The following CCDC158 variants were observed in gnomAD, a reference collection of about 807,000 sequenced individuals.
The protein encoded by CCDC158 is coiled-coil domain-containing protein 158.
A neutral mutation model predicts 138.6 loss-of-function variants in CCDC158; 116 were observed. The ratio of observed to expected loss-of-function variants is 0.84; its 90% confidence interval spans 0.72 to 0.98. The LOEUF (loss-of-function observed/expected upper bound fraction) is 0.98, where lower values mean the gene tolerates loss of function less well. CCDC158 is among the 50% of genes least tolerant of loss of function. The probability of loss-of-function intolerance (pLI) is 0.00; values close to 1 mark genes in which losing one functional copy is unlikely to be tolerated. For synonymous variants in CCDC158, 436 were observed against 442.4 expected, an observed-to-expected ratio of 0.99 and a Z score of 0.18; for missense variants, 1,265 against 1,306.1, an observed-to-expected ratio of 0.97 and a Z score of 0.48.
intron 4 of CCDC158, among the ~76,000 whole-genome samples, chr4:76,388,163 C>T (rs9654173): frequency 0.027 from 4,055 of 152,164 alleles, 177 homozygotes; most frequent in African/African-American, 0.092. Flanking sequence ...ATGGTGGCTA[C>T]AGTGAAAGAC....
chr4:76,369,531 A>T lies in CCDC158; in HGVS notation c.1242T>A (p.Ile414=). 6.2e-7 allele frequency: 1 copy of T among 1,614,122 alleles called. No individual in the cohort carries two copies. The highest frequency in any genetic ancestry group is 8.5e-7 in the Non-Finnish European group (1 of 1,180,010). The change falls in exon 11 of 25, where the codon ATT becomes ATA. Residue 414 remains isoleucine, a synonymous_variant. Transcript: ENST00000682701. ...WDRDTGNSIT[I]DHLRRELDNR... ...TGTCCAGTTCCCGCCGCAGGTGGTC[A>T]ATGGTGATGCTGTTGCCTGTGTCTC...
In CCDC158 at chr4:76,377,688, C is replaced by T. The variant is rs139047007; in HGVS notation, c.1029+1602G>A. 5.5e-4 allele frequency among the ~76,000 whole-genome samples: 84 copies of T among 152,292 alleles called. 1 individual carries two copies. The highest frequency in any genetic ancestry group is 1.9e-3 in the African/African-American group (79 of 41,568). On this transcript the variant is annotated intron_variant, in intron 9 of 24. Transcript: ENST00000682701. ...CAGGCTTCAGAGAGGCAGAGAAAAG[C>T]GTGTGTTCCTCTCTGACCTTTTGTT...
At chr4:76,324,234 C>A (rs1578863681) in intron 23 of CCDC158, among the ~76,000 whole-genome samples, 1 of 149,036 alleles carries the variant, frequency 6.7e-6, no homozygotes, top group South Asian at 2.1e-4. Context: ...GTTGCCCAGG[C>A]TGGAGTGCAA....
At chr4:76,398,188 C>G (rs987951833) in intron 3 of CCDC158, among the ~76,000 whole-genome samples, 1 of 152,100 alleles carries the variant, frequency 6.6e-6, no homozygotes, top group African/African-American at 2.4e-5. Context: ...ATCAATGTAA[C>G]AATTGATTTA....
intron 18 of CCDC158, among the ~76,000 whole-genome samples, chr4:76,335,831 C>T (rs1418051483): frequency 6.6e-6 from 1 of 152,058 alleles, no homozygotes; most frequent in Non-Finnish European, 1.5e-5. Flanking sequence ...TCTTGGTTTC[C>T]CAAAGTGCTG....
In CCDC158 at chr4:76,396,490, A is replaced by C; in HGVS notation, c.71-4T>G. On this transcript the variant is annotated splice_region_variant and splice_polypyrimidine_tract_variant and intron_variant, in intron 3 of 24. Transcript: ENST00000682701. The stretch of plus-strand genomic sequence containing the variant: ...ACAAAAAATGAACTTGAAGAACCTA[A>C]ATATTAAAGAATTCATTAATTAACT... 3 of 1,584,954 alleles carry C rather than the reference A, an allele frequency of 1.9e-6. No individual in the cohort carries two copies. Among genetic ancestry groups the C allele is most frequent in the South Asian group, 1.2e-5 (1 of 86,924 alleles).
At chr4:76,323,190 C>CTGAAGGGTTTATATTTAACT in intron 24 of CCDC158, 112 bp downstream of exon 24, 1 of 697,226 alleles carries the variant, frequency 1.4e-6, no homozygotes, top group South Asian at 2.3e-5. Flanking sequence ...CTTCAGTTTA[C>CTGAAGGGTTTATATTTAACT]AGTTGTTAAT....
intron 9 of CCDC158, among the ~76,000 whole-genome samples, chr4:76,378,094 T>G (rs1579021785): frequency 6.6e-6 from 1 of 152,198 alleles, no homozygotes; most frequent in South Asian, 2.1e-4. Context: ...GGCTTAGACT[T>G]TAGTAAAGTC....
At chr4:76,344,505 T>C (rs1210103263) in intron 18 of CCDC158, 1 of 805,242 alleles carries the variant, frequency 1.2e-6, no homozygotes, top group Non-Finnish European at 2.2e-6. Context: ...AGGCTTGTCC[T>C]CCAGCCAGTG....
chr4:76,314,551 CTG>C (rs1719190608), intron 24 of CCDC158, among the ~76,000 whole-genome samples: 1 of 152,202 alleles, frequency 6.6e-6, no homozygotes, highest in South Asian at 2.1e-4. Flanking sequence ...AGGTAAAAAA[CTG>C]TGAGTTCCCA....
chr4:76,384,290 A>G lies in CCDC158; in HGVS notation c.524T>C (p.Leu175Pro), dbSNP rs368413305. 4 of 1,613,960 alleles carry G rather than the reference A, an allele frequency of 2.5e-6. No individual in the cohort carries two copies. Among genetic ancestry groups the G allele is most frequent in the Non-Finnish European group, 3.4e-6 (4 of 1,180,002 alleles). Residue 175 changes from leucine to proline, a missense_variant, in exon 6 of 25, where the codon CTA (leucine) becomes CCA (proline). Leu to Pro is a moderately conservative substitution (Grantham distance 98, BLOSUM62 -3). Transcript: ENST00000682701. Reference protein sequence around the residue: ...LKDSNTQIEQLRKMMLSHEGV... With the variant: ...LKDSNTQIEQPRKMMLSHEGV... ...CTCATGACTAAGCATCATTTTTCGTAGTTGCTCTATCTGTGTGTTGCTGTC... is the reference window on the plus strand; with the variant it reads ...CTCATGACTAAGCATCATTTTTCGTGGTTGCTCTATCTGTGTGTTGCTGTC...
intron 22 of CCDC158, among the ~76,000 whole-genome samples, chr4:76,326,353 C>G (rs930724698): frequency 3.1e-4 from 47 of 152,114 alleles, no homozygotes; most frequent in African/African-American, 1.1e-3. Flanking sequence ...ATGAAATCAT[C>G]TGTACAACTT....
At chr4:76,341,107 C>T (rs933354961) in intron 18 of CCDC158, among the ~76,000 whole-genome samples, 1 of 152,140 alleles carries the variant, frequency 6.6e-6, no homozygotes, top group Non-Finnish European at 1.5e-5. Flanking sequence ...TTATGTTAGA[C>T]TTGTTTCTAA....
intron 18 of CCDC158, among the ~76,000 whole-genome samples, chr4:76,334,788 A>C (rs1289908805): frequency 6.6e-6 from 1 of 152,222 alleles, no homozygotes; most frequent in East Asian, 1.9e-4. Flanking sequence ...ACTGGTGAGC[A>C]GGTAGACTCA....
At chr4:76,323,617 C>T (rs1458415980) in intron 23 of CCDC158, among the ~76,000 whole-genome samples, 1 of 152,094 alleles carries the variant, frequency 6.6e-6, no homozygotes, top group Non-Finnish European at 1.5e-5. Context: ...TATTGCAATG[C>T]TAGCCTATTT....
Position 76,351,128 on chromosome 4 carries a change from A to G in CCDC158, c.2539-7T>C, listed in dbSNP as rs1156247936. ...ATCCAGGGCCCTGAAGTTCCTGGAA[A>G]ACAATATAGAGGTAAGCAAAATAAC... is the stretch of plus-strand genomic sequence containing the variant. On this transcript the variant is annotated splice_region_variant and splice_polypyrimidine_tract_variant and intron_variant, in intron 17 of 24. Coordinates refer to ENST00000682701, the MANE Select transcript of CCDC158 (RefSeq NM_001394954.1). The G allele has an allele frequency of 6.2e-7, 1 of 1,611,096 alleles. No individual in the cohort carries two copies. The highest frequency in any genetic ancestry group is 1.7e-5 in the Admixed American group (1 of 59,562).
chr4:76,379,012 T>C (rs919745428), intron 9 of CCDC158, among the ~76,000 whole-genome samples: 1 of 151,954 alleles, frequency 6.6e-6, no homozygotes, highest in Non-Finnish European at 1.5e-5. Flanking sequence ...TTTAGCTAAG[T>C]AAAAATAATT....
At chr4:76,398,357 G>C (rs141213236) in intron 3 of CCDC158, among the ~76,000 whole-genome samples, 5 of 152,226 alleles carry the variant, frequency 3.3e-5, no homozygotes, top group African/African-American at 7.2e-5. Context: ...GTGTTCCCTG[G>C]TGTAGGCTGT....
chr4:76,380,685 AGCTGCCG>A (rs1265291465), intron 8 of CCDC158, among the ~76,000 whole-genome samples: 1 of 152,168 alleles, frequency 6.6e-6, no homozygotes, highest in Non-Finnish European at 1.5e-5. Flanking sequence ...GAGAAATTCA[AGCTGCCG>A]GCTGCAGAAA....
Sources: allele counts gnomAD v4.1 joint callset (sites outside exome capture counted in the v4.1 genomes callset), GRCh38; gene constraint gnomAD v4.1.1; transcripts MANE v1.5; gene names NCBI Gene and HGNC (gene_info 2026-07-23, HGNC 2026-07-21).